The following NKAIN2 variants were observed in gnomAD, a reference collection of about 807,000 sequenced individuals.
NKAIN2 encodes sodium/potassium transporting ATPase interacting 2.
NKAIN2 carries 14 observed loss-of-function variants against 32.6 expected under a neutral mutation model. That is an observed-to-expected ratio of 0.43 (90% confidence interval 0.28 to 0.67). The LOEUF is 0.67. NKAIN2 is among the 30% of genes least tolerant of loss of function. NKAIN2 has a pLI of 0.17. For synonymous variants in NKAIN2, 80 were observed against 87.2 expected (o/e 0.92, Z 0.46); for missense variants, 198 against 258.3 (o/e 0.77, Z 1.60).
intron 2 of NKAIN2, among the ~76,000 whole-genome samples, chr6:124,343,817 C>A (rs1798265154): frequency 6.8e-6 from 1 of 147,994 alleles, no homozygotes; most frequent in Admixed American, 6.8e-5. Context: ...TTTTGCTGTG[C>A]AGAAGCTCTT....
At chr6:123,900,867 A>G (rs1185598753) in intron 1 of NKAIN2, among the ~76,000 whole-genome samples, 3 of 152,148 alleles carry the variant, frequency 2.0e-5, no homozygotes, top group Non-Finnish European at 4.4e-5. Flanking sequence ...GCAAAAGAAG[A>G]TTAAAAATAT....
At chr6:124,336,177 G>A (rs1336011564) in intron 2 of NKAIN2, among the ~76,000 whole-genome samples, 2 of 152,212 alleles carry the variant, frequency 1.3e-5, no homozygotes, top group Non-Finnish European at 2.9e-5. Context: ...CTATTCTTCT[G>A]TTAACAGAAT....
At chr6:124,184,071 G>A (rs1433713127) in intron 1 of NKAIN2, among the ~76,000 whole-genome samples, 1 of 152,114 alleles carries the variant, frequency 6.6e-6, no homozygotes, top group East Asian at 1.9e-4. Flanking sequence ...ATGATGAAAA[G>A]TCATTGTCTC....
At chr6:124,621,028 G>A (rs1208503749) in intron 3 of NKAIN2, among the ~76,000 whole-genome samples, 1 of 152,150 alleles carries the variant, frequency 6.6e-6, no homozygotes, top group African/African-American at 2.4e-5. Context: ...CCTAAACAGT[G>A]ATTCTCAGCT....
chr6:124,272,650 G>A (rs920979436), intron 1 of NKAIN2, among the ~76,000 whole-genome samples: 2 of 152,152 alleles, frequency 1.3e-5, no homozygotes, highest in African/African-American at 4.8e-5. Context: ...CATGAGAAGA[G>A]GGCTACTGTT....
At chr6:124,241,201 C>G (rs1007064191) in intron 1 of NKAIN2, among the ~76,000 whole-genome samples, 2 of 152,136 alleles carry the variant, frequency 1.3e-5, no homozygotes, top group Non-Finnish European at 2.9e-5. Flanking sequence ...TAAAGGACCA[C>G]TTCAAGGAGA....
chr6:124,656,432 T>C (rs1784541464), intron 3 of NKAIN2, among the ~76,000 whole-genome samples: 1 of 152,120 alleles, frequency 6.6e-6, no homozygotes, highest in Admixed American at 6.6e-5. Flanking sequence ...CTCACAACTA[T>C]TATCTGAGAT....
chr6:124,164,617 CGTAAGA>C (rs1194274258), intron 1 of NKAIN2, among the ~76,000 whole-genome samples: 3 of 151,988 alleles, frequency 2.0e-5, no homozygotes, highest in East Asian at 3.9e-4. Context: ...ATGTTGATTA[CGTAAGA>C]GTAAATCTTT....
At chr6:124,018,331 C>T (rs374851616) in intron 1 of NKAIN2, among the ~76,000 whole-genome samples, 12 of 152,088 alleles carry the variant, frequency 7.9e-5, no homozygotes, top group Non-Finnish European at 1.3e-4. Context: ...CACAGAAGTC[C>T]CTGACATGCT....
chr6:124,706,407 A>G (rs1363901834), intron 4 of NKAIN2, among the ~76,000 whole-genome samples: 2 of 152,100 alleles, frequency 1.3e-5, no homozygotes, highest in African/African-American at 4.8e-5. Flanking sequence ...TGCTGTTATT[A>G]TATATTGAAT....
At chr6:124,507,146 T>C (rs915579822) in intron 3 of NKAIN2, among the ~76,000 whole-genome samples, 1 of 152,196 alleles carries the variant, frequency 6.6e-6, no homozygotes, top group Non-Finnish European at 1.5e-5. Context: ...AATTTCACTT[T>C]GGGAAGGTTT....
intron 4 of NKAIN2, among the ~76,000 whole-genome samples, chr6:124,660,334 T>C (rs957510297): frequency 2.0e-5 from 3 of 152,172 alleles, no homozygotes; most frequent in East Asian, 1.9e-4. Context: ...TATGTGTGCG[T>C]AAAATAGATT....
chr6:123,953,537 C>G (rs752890334), intron 1 of NKAIN2, among the ~76,000 whole-genome samples: 3 of 151,982 alleles, frequency 2.0e-5, no homozygotes, highest in Non-Finnish European at 4.4e-5. Flanking sequence ...GTGGACCAGT[C>G]CTCGGACCTA....
chr6:124,571,866 C>T (rs925189886), intron 3 of NKAIN2, among the ~76,000 whole-genome samples: 2 of 152,178 alleles, frequency 1.3e-5, no homozygotes, highest in Non-Finnish European at 2.9e-5. Flanking sequence ...TTCTTCACCT[C>T]ATCACTCCCA....
At chr6:124,065,479 A>G (rs1212384360) in intron 1 of NKAIN2, among the ~76,000 whole-genome samples, 1 of 152,134 alleles carries the variant, frequency 6.6e-6, no homozygotes, top group African/African-American at 2.4e-5. Flanking sequence ...CAGAGCCCTC[A>G]TGAATAGGAT....
At chr6:124,007,650 TG>T (rs1272951666) in intron 1 of NKAIN2, among the ~76,000 whole-genome samples, 1 of 152,078 alleles carries the variant, frequency 6.6e-6, no homozygotes, top group African/African-American at 2.4e-5. Context: ...GGATGTACAG[TG>T]GGGTGCTAGA....
chr6:124,788,453 G>A (rs1018447494), intron 4 of NKAIN2, among the ~76,000 whole-genome samples: 3 of 152,032 alleles, frequency 2.0e-5, no homozygotes, highest in Admixed American at 6.6e-5. Flanking sequence ...ACCCGAGACT[G>A]GGTAATTTAA....
chr6:124,206,923 A>G (rs879449298), intron 1 of NKAIN2, among the ~76,000 whole-genome samples: 2 of 151,788 alleles, frequency 1.3e-5, no homozygotes, highest in Non-Finnish European at 2.9e-5. Context: ...CGGGATTAAC[A>G]TCTCATATCT....
chr6:124,045,800 T>A (rs1782094288), intron 1 of NKAIN2, among the ~76,000 whole-genome samples: 1 of 152,038 alleles, frequency 6.6e-6, no homozygotes, highest in African/African-American at 2.4e-5. Flanking sequence ...TCCGTATCAA[T>A]CTCTGGCCCT....
Sources: allele counts gnomAD v4.1 joint callset (sites outside exome capture counted in the v4.1 genomes callset), GRCh38; gene constraint gnomAD v4.1.1; transcripts MANE v1.5; gene names NCBI Gene and HGNC (gene_info 2026-07-23, HGNC 2026-07-21).